HS6ST1: variants seen among roughly 807,000 people sequenced by gnomAD.
HS6ST1 encodes the protein heparan sulfate 6-O-sulfotransferase 1, also known as heparan-sulfate 6-O-sulfotransferase 1.
A neutral mutation model predicts 25.2 loss-of-function variants in HS6ST1; 3 were observed. That is an observed-to-expected ratio of 0.12 (90% confidence interval 0.05 to 0.31). HS6ST1 has a LOEUF of 0.31. HS6ST1 is among the 10% of genes least tolerant of loss of function. HS6ST1 has a pLI of 1.00. For missense variants in HS6ST1, 310 were observed against 609.6 expected, an observed-to-expected ratio of 0.51 and a Z score of 5.18; for synonymous variants, 204 against 275.1, an observed-to-expected ratio of 0.74 and a Z score of 2.56.
Position 128,268,679 on chromosome 2 carries a change from T to C in HS6ST1, c.719A>G (p.Asp240Gly), listed in dbSNP as rs780451029. Residue 240 changes from aspartate (D) to glycine (G), a missense_variant, in exon 2 of 2, where the codon GAC becomes GGC. By Grantham distance (94) the Asp-to-Gly change is moderately conservative (BLOSUM62 -1). Around this residue, in one of 5 missense-constraint regions of HS6ST1, gnomAD observed 98 missense variants for 270.3 expected, o/e 0.36. Transcript: ENST00000259241. ...GTTGTTGGCCAGGTTGTACGGGCAG[T>C]CCATGAACTCCTGTAGCGTGCAGCC... ...WSGCTLQEFM[D>G]CPYNLANNRQ... 1.9e-6 allele frequency: 3 copies of C among 1,611,748 alleles called. No homozygotes were observed. In the South Asian group the frequency reaches 3.3e-5, roughly 18 times the overall value.
At chr2:128,272,080 T>C (rs1372545698) in intron 1 of HS6ST1, among the ~76,000 whole-genome samples, 1 of 152,126 alleles carries the variant, frequency 6.6e-6, no homozygotes, top group Non-Finnish European at 1.5e-5. Flanking sequence ...GCCACAAGGC[T>C]CCCTTCTCTA....
At chr2:128,275,550 A>G (rs1015612381) in intron 1 of HS6ST1, among the ~76,000 whole-genome samples, 1 of 152,196 alleles carries the variant, frequency 6.6e-6, no homozygotes, top group Non-Finnish European at 1.5e-5. Flanking sequence ...TATGTGTATG[A>G]ATTACTTTAA....
rs3916055 is a variant in HS6ST1 at position 128,267,575 on chromosome 2, G to C, written c.*587C>G. 3 of 156,568 alleles carry C rather than the reference G, an allele frequency of 1.9e-5. No homozygotes were observed. The highest frequency in any genetic ancestry group is 3.4e-3 in the Middle Eastern group (1 of 296). 9.7% of individuals were successfully genotyped at this position (156,568 alleles called of 1,614,324 possible). ...AGCAGGCTTCCTGGGGGCTGGACTC[G>C]AGTCTTCTCTGCCTCAGATGGGGTG... On this transcript the variant is annotated 3_prime_UTR_variant, in exon 2 of 2. Coordinates refer to ENST00000259241, the MANE Select transcript of HS6ST1 (RefSeq NM_004807.3).
chr2:128,295,561 A>C (rs1366519276), intron 1 of HS6ST1, among the ~76,000 whole-genome samples: 1 of 152,256 alleles, frequency 6.6e-6, no homozygotes, highest in African/African-American at 2.4e-5. Flanking sequence ...AGCCAGACAA[A>C]GATATAACAA....
chr2:128,308,029 C>T (rs543028237), intron 1 of HS6ST1, among the ~76,000 whole-genome samples: 14 of 152,320 alleles, frequency 9.2e-5, no homozygotes, highest in South Asian at 6.2e-4. Context: ...TGAGTGAAGA[C>T]GGCAAGTTGC....
rs1441545973 is a variant in HS6ST1, at chr2:128,267,968, G to A, written c.*194C>T. 12 of 615,694 alleles carry A rather than the reference G, an allele frequency of 1.9e-5. No homozygotes were observed. The African/African-American group carries it at 2.0e-4, about 10-fold the overall frequency. 38.1% of individuals were successfully genotyped at this position (615,694 alleles called of 1,614,324 possible). ...ACGCTTTCCTCTGACCCACTGGGCT[G>A]CACCTGTTGATTTCTCAAGCCCCCA... is the stretch of plus-strand genomic sequence containing the variant. On this transcript the variant is annotated 3_prime_UTR_variant, in exon 2 of 2. Transcript: ENST00000259241.
chr2:128,302,506 C>T (rs1384424196), intron 1 of HS6ST1, among the ~76,000 whole-genome samples: 1 of 152,124 alleles, frequency 6.6e-6, no homozygotes, highest in Non-Finnish European at 1.5e-5. Context: ...CTAACGGTTC[C>T]CCAAGGGTGG....
intron 1 of HS6ST1, among the ~76,000 whole-genome samples, chr2:128,301,648 G>A (rs746552274): frequency 6.6e-6 from 1 of 152,236 alleles, no homozygotes. Flanking sequence ...TGCTGGGGAT[G>A]TGTGTATATG....
intron 1 of HS6ST1, among the ~76,000 whole-genome samples, chr2:128,284,335 C>A (rs1233578701): frequency 6.6e-6 from 1 of 152,104 alleles, no homozygotes; most frequent in African/African-American, 2.4e-5. Context: ...TTGCCTCCCT[C>A]CCACCTGTTG....
intron 1 of HS6ST1, among the ~76,000 whole-genome samples, chr2:128,277,139 A>G (rs914150125): frequency 6.6e-6 from 1 of 152,164 alleles, no homozygotes; most frequent in African/African-American, 2.4e-5. Context: ...GGATGCAAAC[A>G]GGGCCACTTC....
intron 1 of HS6ST1, among the ~76,000 whole-genome samples, chr2:128,317,437 C>A (rs1339150992): frequency 2.0e-5 from 3 of 152,232 alleles, no homozygotes; most frequent in Non-Finnish European, 2.9e-5. Flanking sequence ...GGAGGACAGG[C>A]GGTACTGCCT....
At chr2:128,288,572 G>A (rs146484257) in intron 1 of HS6ST1, among the ~76,000 whole-genome samples, 119 of 152,316 alleles carry the variant, frequency 7.8e-4, no homozygotes, top group Admixed American at 2.5e-3. Context: ...TGGAGAGATG[G>A]AGCAGAAATG....
At chr2:128,281,553 A>T (rs972949800) in intron 1 of HS6ST1, among the ~76,000 whole-genome samples, 2 of 152,172 alleles carry the variant, frequency 1.3e-5, no homozygotes, top group South Asian at 4.1e-4. Flanking sequence ...GTCACCTTGG[A>T]CCATGAGGCA....
At chr2:128,268,918 G>GGGCTGCTCTGA in intron 1 of HS6ST1, 48 bp from the exon 2 acceptor site, 1 of 1,516,626 alleles carries the variant, frequency 6.6e-7, no homozygotes, top group Non-Finnish European at 9.0e-7. Flanking sequence ...GCAGCATGAG[G>GGGCTGCTCTGA]GGGGCTACCA....
rs897442512 is a variant in HS6ST1, at chr2:128,265,565, ATCAAC to A, written c.*2592_*2596del. 10 of 152,382 alleles carry A rather than the reference ATCAAC, an allele frequency of 6.6e-5. No homozygotes were observed. The highest frequency in any genetic ancestry group is 1.7e-4 in the African/African-American group (7 of 41,592). 9.4% of individuals were successfully genotyped at this position (152,382 alleles called of 1,614,324 possible). A position where few individuals can be genotyped will look rare whatever the true frequency, so the allele number is the denominator to read the frequency against. On this transcript the variant is annotated 3_prime_UTR_variant, in exon 2 of 2. Coordinates refer to ENST00000259241, the MANE Select transcript of HS6ST1 (RefSeq NM_004807.3). ...GATGATTATGACTTGCTTTTCCATC[ATCAAC>A]TCATTTTTTTGTATGAATAACCAAA...
intron 1 of HS6ST1, among the ~76,000 whole-genome samples, chr2:128,280,263 G>A (rs546853776): frequency 5.3e-5 from 8 of 152,360 alleles, no homozygotes; most frequent in South Asian, 2.1e-4. Context: ...CACTTGGGGC[G>A]GGTGGCTGCC....
intron 1 of HS6ST1, among the ~76,000 whole-genome samples, chr2:128,279,306 C>A (rs2104916246): frequency 7.0e-6 from 1 of 143,290 alleles, no homozygotes. Flanking sequence ...AGGACGCTGT[C>A]ATTTAGAGTC....
chr2:128,280,720 C>G (rs1693773651), intron 1 of HS6ST1, among the ~76,000 whole-genome samples: 1 of 152,040 alleles, frequency 6.6e-6, no homozygotes, highest in African/African-American at 2.4e-5. Context: ...TTAACTCAAT[C>G]TGCTTCCAAA....
intron 1 of HS6ST1, among the ~76,000 whole-genome samples, chr2:128,313,450 T>A (rs556925953): frequency 6.6e-6 from 1 of 152,304 alleles, no homozygotes; most frequent in African/African-American, 2.4e-5. Context: ...ATGGCTTCAA[T>A]TACAGTGGAA....
Sources: allele counts gnomAD v4.1 joint callset (sites outside exome capture counted in the v4.1 genomes callset), GRCh38; gene constraint gnomAD v4.1.1; regional missense constraint gnomAD v4.1.1; transcripts MANE v1.5; gene names NCBI Gene and HGNC (gene_info 2026-07-23, HGNC 2026-07-21).